The following CADPS2 variants were observed in gnomAD, a reference collection of about 807,000 sequenced individuals.
CADPS2 encodes calcium dependent secretion activator 2, also known as calcium-dependent secretion activator 2.
A neutral mutation model predicts 172.5 loss-of-function variants in CADPS2; 93 were observed. The ratio of observed to expected loss-of-function variants is 0.54; its 90% CI spans 0.46 to 0.64. CADPS2 has a LOEUF of 0.64. Ranked by LOEUF, CADPS2 falls within the 30% of genes least tolerant of loss-of-function variation. The pLI, the probability that CADPS2 is intolerant of heterozygous loss-of-function variation, is 0.00. For missense variants in CADPS2, 1,420 were observed against 1,565.9 expected, an observed-to-expected ratio of 0.91 and a Z score of 1.57; for synonymous variants, 546 against 555.2, an observed-to-expected ratio of 0.98 and a Z score of 0.23.
intron 16 of CADPS2, among the ~76,000 whole-genome samples, chr7:122,438,832 T>G (rs2050989485): frequency 6.6e-6 from 1 of 152,110 alleles, no homozygotes; most frequent in South Asian, 2.1e-4. Context: ...AATAGTTTGT[T>G]TTGCACATCC....
At chr7:122,650,345 A>G (rs563586177) in intron 3 of CADPS2, among the ~76,000 whole-genome samples, 2 of 152,282 alleles carry the variant, frequency 1.3e-5, no homozygotes, top group East Asian at 3.9e-4. Flanking sequence ...GTACACCCAT[A>G]TAATCCTTTC....
intron 28 of CADPS2, among the ~76,000 whole-genome samples, chr7:122,327,466 T>C (rs907401082): frequency 1.3e-5 from 2 of 152,106 alleles, no homozygotes; most frequent in Admixed American, 1.3e-4. Context: ...AGAGAAACTA[T>C]ATATATTTTA....
chr7:122,661,845 T>A (rs1416474465), intron 3 of CADPS2, among the ~76,000 whole-genome samples: 2 of 152,232 alleles, frequency 1.3e-5, no homozygotes, highest in African/African-American at 4.8e-5. Flanking sequence ...ATTATGTTAA[T>A]CAACATTTAT....
At chr7:122,709,666 A>G (rs1405518846) in intron 2 of CADPS2, among the ~76,000 whole-genome samples, 4 of 152,298 alleles carry the variant, frequency 2.6e-5, no homozygotes, top group African/African-American at 9.6e-5. Flanking sequence ...CCAAATGTCC[A>G]ACAATGATAG....
chr7:122,417,506 T>G (rs913971528), intron 17 of CADPS2, among the ~76,000 whole-genome samples: 1 of 152,202 alleles, frequency 6.6e-6, no homozygotes, highest in African/African-American at 2.4e-5. Flanking sequence ...CAATCTCAAC[T>G]CAGAACCAGA....
chr7:122,816,008 T>A (rs752312970), intron 1 of CADPS2, among the ~76,000 whole-genome samples: 1 of 152,170 alleles, frequency 6.6e-6, no homozygotes, highest in Admixed American at 6.5e-5. Context: ...TATTTATCAT[T>A]TTTTGTGCTA....
intron 5 of CADPS2, among the ~76,000 whole-genome samples, chr7:122,618,286 A>C (rs2075195600): frequency 6.6e-6 from 1 of 152,158 alleles, no homozygotes; most frequent in Non-Finnish European, 1.5e-5. Flanking sequence ...TAATCCAGTA[A>C]GTATTTATTG....
intron 1 of CADPS2, among the ~76,000 whole-genome samples, chr7:122,755,506 A>T (rs963342414): frequency 2.0e-5 from 3 of 152,186 alleles, no homozygotes; most frequent in Admixed American, 1.3e-4. Flanking sequence ...TCAGTTGTCA[A>T]AATGTTTAAT....
chr7:122,780,547 GGTTT>G (rs985558862), intron 1 of CADPS2, among the ~76,000 whole-genome samples: 10 of 152,048 alleles, frequency 6.6e-5, no homozygotes, highest in East Asian at 1.9e-4. Flanking sequence ...GCCCATTCTG[GGTTT>G]GTTTGTTTGT....
At chr7:122,607,387 A>C (rs190208487) in intron 6 of CADPS2, among the ~76,000 whole-genome samples, 35 of 152,288 alleles carry the variant, frequency 2.3e-4, no homozygotes, top group African/African-American at 8.2e-4. Flanking sequence ...GTAAGAATTA[A>C]GCTTCCTACT....
chr7:122,811,282 T>C (rs1260995981), intron 1 of CADPS2, among the ~76,000 whole-genome samples: 1 of 152,168 alleles, frequency 6.6e-6, no homozygotes, highest in South Asian at 2.1e-4. Context: ...GTCCTTTAGA[T>C]AGTAAGTAGC....
intron 1 of CADPS2, among the ~76,000 whole-genome samples, chr7:122,848,290 G>A (rs1312092107): frequency 6.6e-6 from 1 of 152,180 alleles, no homozygotes; most frequent in African/African-American, 2.4e-5. Flanking sequence ...AGAGCCCACA[G>A]AGGTCACTGC....
chr7:122,849,853 T>C, intron 1 of CADPS2: 1 of 577,442 alleles, frequency 1.7e-6, no homozygotes, highest in Non-Finnish European at 3.4e-6. Flanking sequence ...TGGTGTTTCC[T>C]TCTGGGCAGA....
At chr7:122,360,154 T>C (rs1448100846) in intron 27 of CADPS2, among the ~76,000 whole-genome samples, 1 of 152,160 alleles carries the variant, frequency 6.6e-6, no homozygotes, top group African/African-American at 2.4e-5. Context: ...TAGGTGATAA[T>C]AGAATTTAAA....
chr7:122,818,525 C>T (rs1337591201), intron 1 of CADPS2, among the ~76,000 whole-genome samples: 1 of 152,230 alleles, frequency 6.6e-6, no homozygotes, highest in African/African-American at 2.4e-5. Flanking sequence ...CAGTACCAAC[C>T]CCAAGCATCA....
At chr7:122,586,180 T>C (rs921105186) in intron 6 of CADPS2, among the ~76,000 whole-genome samples, 3 of 151,988 alleles carry the variant, frequency 2.0e-5, no homozygotes, top group African/African-American at 7.2e-5. Flanking sequence ...GCACATTTTA[T>C]TCATTTAAAA....
intron 2 of CADPS2, chr7:122,698,599 C>CGTTCAATAAGTGCAAGCCAG (rs1323817904): frequency 6.2e-7 from 1 of 1,613,852 alleles, no homozygotes; most frequent in Non-Finnish European, 8.5e-7. Flanking sequence ...ACAACCTCCC[C>CGTTCAATAAGTGCAAGCCAG]GTTCAATAAG....
At chr7:122,326,295 G>A (rs1272064812) in intron 28 of CADPS2, among the ~76,000 whole-genome samples, 1 of 151,724 alleles carries the variant, frequency 6.6e-6, no homozygotes, top group Non-Finnish European at 1.5e-5. Flanking sequence ...ATTTTTGGAG[G>A]GTCCATAATT....
intron 19 of CADPS2, among the ~76,000 whole-genome samples, chr7:122,409,902 A>C (rs2047097725): frequency 6.6e-6 from 1 of 152,194 alleles, no homozygotes; most frequent in South Asian, 2.1e-4. Context: ...ACTAAACAGA[A>C]GTCATGATTA....
Sources: allele counts gnomAD v4.1 joint callset (sites outside exome capture counted in the v4.1 genomes callset), GRCh38; gene constraint gnomAD v4.1.1; transcripts MANE v1.5; gene names NCBI Gene and HGNC (gene_info 2026-07-23, HGNC 2026-07-21).